Variants in ITGAM observed in about 807,000 individuals in gnomAD.
ITGAM encodes the protein integrin alpha-M.
A neutral mutation model predicts 137.5 loss-of-function variants in ITGAM; 79 were observed. The observed-to-expected ratio is 0.57, with a 90% CI of 0.48 to 0.69. The LOEUF (loss-of-function observed/expected upper bound fraction) is 0.69, where lower values mean the gene tolerates loss of function less well. Ranked by LOEUF, ITGAM falls within the 30% of genes least tolerant of loss-of-function variation. The pLI is 0.00. For missense variants in ITGAM, 1,343 were observed against 1,483.5 expected, an observed-to-expected ratio of 0.91 and a Z score of 1.56; for synonymous variants, 583 against 592.3, an observed-to-expected ratio of 0.98 and a Z score of 0.23.
intron 12 of ITGAM, among the ~76,000 whole-genome samples, chr16:31,281,316 C>T (rs2079966456): frequency 1.3e-5 from 2 of 152,168 alleles, no homozygotes. Context: ...CCTTGTACCT[C>T]TGGTAGAATT....
chr16:31,270,899 A>G (rs1286427317), intron 5 of ITGAM, 55 bp from the exon 6 acceptor site: 2 of 1,336,066 alleles, frequency 1.5e-6, no homozygotes, highest in African/African-American at 3.0e-5. Context: ...ATGCAAAAAA[A>G]CCCAAAACAC....
At position 31,271,027 on chromosome 16, in the gene ITGAM, G is replaced by A. The variant is rs768385022; in HGVS notation, c.501G>A (p.Arg167=). The change falls in exon 6 of 30, where the codon CGG becomes CGA. Residue 167 remains arginine, a synonymous_variant. Coordinates refer to ENST00000544665, the MANE Select transcript of ITGAM (RefSeq NM_000632.4). ...GSGSIIPHDF[R]RMKEFVSTVM... ...GTAGCATCATCCCACATGACTTTCG[G>A]CGGATGAAGGAGTTTGTCTCAACTG... is the stretch of plus-strand genomic sequence containing the variant. The A allele has an allele frequency of 5.0e-6, 8 of 1,584,720 alleles. No individual in the cohort carries two copies. The highest frequency in any genetic ancestry group is 3.5e-5 in the South Asian group (3 of 86,536).
Position 31,330,527 on chromosome 16 carries a change from C to G in ITGAM, c.3198C>G (p.Ile1066Met), listed in dbSNP as rs766849693. The G allele has an allele frequency of 4.8e-5, 78 of 1,613,564 alleles. No individual in the cohort carries two copies. The Middle Eastern group carries it at 2.0e-3, about 41-fold the overall frequency. The change falls in exon 28 of 30, where the codon ATC becomes ATG. Residue 1066 changes from isoleucine to methionine, a missense_variant. By Grantham distance (10) the Ile-to-Met change is conservative. Transcript: ENST00000544665. ...YIKTSHNHLLIVSTAEILFND... is the reference protein window; with the variant it reads ...YIKTSHNHLLMVSTAEILFND... ...AGACCTCGCATAACCACCTCCTGAT[C>G]GTGAGCACAGCTGAGATCTTGTTTA...
chr16:31,324,400 A>G lies in ITGAM; in HGVS notation c.2004A>G (p.Gly668=). 6.4e-7 allele frequency: 1 copy of G among 1,551,792 alleles called. No homozygotes were observed. ...QKSTRDRLRE[G]QIQSVVTYDL... is the part of the protein sequence containing the mutation. ...TGCTGTGCCACCCTGTCCCTTCAGG[A>G]CAGATCCAGAGTGTTGTGACTTATG... The change falls in exon 17 of 30, where the codon GGA becomes GGG. Residue 668 remains glycine (G), a splice_region_variant and synonymous_variant. Coordinates refer to ENST00000544665, the MANE Select transcript of ITGAM (RefSeq NM_000632.4). This position sits in a 1 kb window ranked among gnomAD's most constrained non-coding sequence, Gnocchi z 4.5.
chr16:31,314,403 T>C (rs1254138253), intron 14 of ITGAM, among the ~76,000 whole-genome samples: 1 of 152,200 alleles, frequency 6.6e-6, no homozygotes, highest in Non-Finnish European at 1.5e-5. Context: ...AGTTAATTTT[T>C]ATATAAGGTG....
intron 28 of ITGAM, 111 bp downstream of exon 28, chr16:31,330,716 CGACAGAGA>C (rs2080569750): frequency 5.4e-6 from 4 of 747,628 alleles, no homozygotes; most frequent in South Asian, 3.7e-5. Flanking sequence ...AGAGACAGAG[CGACAGAGA>C]GACAGAGAGA....
At chr16:31,293,122 T>G (rs1198362152) in intron 12 of ITGAM, among the ~76,000 whole-genome samples, 6 of 152,144 alleles carry the variant, frequency 3.9e-5, no homozygotes, top group Non-Finnish European at 7.4e-5. Context: ...CTCTTGTAAA[T>G]TTGTTTAAGT....
At chr16:31,302,340 A>G (rs2080205160) in intron 14 of ITGAM, among the ~76,000 whole-genome samples, 2 of 152,154 alleles carry the variant, frequency 1.3e-5, no homozygotes, top group Admixed American at 6.6e-5. Context: ...TGAGGGCATT[A>G]CTTAATTAGC....
intron 12 of ITGAM, among the ~76,000 whole-genome samples, chr16:31,296,471 T>C (rs1293147429): frequency 1.3e-5 from 2 of 152,168 alleles, no homozygotes; most frequent in Middle Eastern, 3.2e-3. Flanking sequence ...AAAGGCTGAA[T>C]TTTATTGTAT....
At chr16:31,261,192 T>C (rs2079694790) in intron 1 of ITGAM, among the ~76,000 whole-genome samples, 1 of 147,214 alleles carries the variant, frequency 6.8e-6, no homozygotes, top group African/African-American at 2.6e-5. Flanking sequence ...GAAGACATGC[T>C]GCTATCTTTT....
At chr16:31,283,447 C>A (rs1042472408) in intron 12 of ITGAM, among the ~76,000 whole-genome samples, 2 of 152,130 alleles carry the variant, frequency 1.3e-5, no homozygotes, top group African/African-American at 4.8e-5. Flanking sequence ...CTGAACTTCT[C>A]TTCTTGCCTC....
chr16:31,260,079 CCTT>C lies in ITGAM; in HGVS notation c.18_20del (p.Leu8del). On this transcript the variant is annotated inframe_deletion, in exon 1 of 30. Coordinates refer to ENST00000544665, the MANE Select transcript of ITGAM (RefSeq NM_000632.4). ...TCCTTCCAGCCATGGCTCTCAGAGT[CCTT>C]CTGTTAACAGGTGCATGGGGGTGGG... 1 of 1,578,504 alleles carries C rather than the reference CCTT, an allele frequency of 6.3e-7. No individual in the cohort carries two copies. The highest frequency in any genetic ancestry group is 1.2e-5 in the South Asian group (1 of 86,400).
At chr16:31,263,536 TTA>T (rs2079728808) in intron 2 of ITGAM, among the ~76,000 whole-genome samples, 1 of 152,092 alleles carries the variant, frequency 6.6e-6, no homozygotes, top group Non-Finnish European at 1.5e-5. Context: ...GCTATCAAAC[TTA>T]CTGATCTCTG....
rs1208784038 is a variant in ITGAM, at chr16:31,331,984, CAT to C, written c.*278_*279del. 4 of 494,474 alleles carry C rather than the reference CAT, an allele frequency of 8.1e-6. No homozygotes were observed. Among genetic ancestry groups the C allele is most frequent in the African/African-American group, 4.0e-5 (2 of 49,714 alleles). The allele number at this position is 494,474 out of a possible 1,614,324, so 30.6% of individuals were successfully genotyped here. A position where few individuals can be genotyped will look rare whatever the true frequency, so the allele number is the denominator to read the frequency against. On this transcript the variant is annotated 3_prime_UTR_variant, in exon 30 of 30. Transcript: ENST00000544665. Reference sequence around the variant, plus strand: ...GTGTCCAAGTGTGTGTGCGTGTGTCCATGTGTGTGCAAGTGTGTGCATGTGTG... The same window carrying C: ...GTGTCCAAGTGTGTGTGCGTGTGTCCGTGTGTGCAAGTGTGTGCATGTGTG...
At chr16:31,268,018 A>G (rs1171671039) in intron 5 of ITGAM, among the ~76,000 whole-genome samples, 1 of 152,060 alleles carries the variant, frequency 6.6e-6, no homozygotes, top group African/African-American at 2.4e-5. Context: ...AACACTCTTC[A>G]TTCTATCTGT....
intron 14 of ITGAM, among the ~76,000 whole-genome samples, chr16:31,310,417 C>G (rs2080314105): frequency 6.6e-6 from 1 of 152,078 alleles, no homozygotes; most frequent in Non-Finnish European, 1.5e-5. Flanking sequence ...TTTCTCTAAA[C>G]TTCTCTTCAC....
chr16:31,325,595 C>T lies in ITGAM; in HGVS notation c.2601C>T (p.Asn867=). Residue 867 remains asparagine (N), a synonymous_variant, in exon 21 of 30, where the codon AAC becomes AAT. Transcript: ENST00000544665. Reference sequence around the variant, plus strand: ...TGAAGAGCACCAGCTGCAGCATAAACCACCCCATCTTCCCGGAAAACTCAG... The same window carrying T: ...TGAAGAGCACCAGCTGCAGCATAAATCACCCCATCTTCCCGGAAAACTCAG... ...GALKSTSCSI[N]HPIFPENSEV... 1 of 1,613,894 alleles carries T rather than the reference C, an allele frequency of 6.2e-7. No individual in the cohort carries two copies. The highest frequency in any genetic ancestry group is 8.5e-7 in the Non-Finnish European group (1 of 1,179,850).
At chr16:31,271,735 C>G in intron 6 of ITGAM, 112 bp from the exon 7 acceptor site, 1 of 1,320,284 alleles carries the variant, frequency 7.6e-7, no homozygotes, top group Non-Finnish European at 1.1e-6. Flanking sequence ...AGGGGCAGCA[C>G]AGAGGAGGAA....
At chr16:31,318,656 T>G (rs1390967626) in intron 14 of ITGAM, among the ~76,000 whole-genome samples, 1 of 152,208 alleles carries the variant, frequency 6.6e-6, no homozygotes, top group African/African-American at 2.4e-5. Flanking sequence ...AGCTTGTCAA[T>G]TCTATCTTTT....
Sources: allele counts gnomAD v4.1 joint callset (sites outside exome capture counted in the v4.1 genomes callset), GRCh38; gene constraint gnomAD v4.1.1; non-coding constraint Gnocchi (gnomAD v3.1); transcripts MANE v1.5; gene names NCBI Gene and HGNC (gene_info 2026-07-23, HGNC 2026-07-21).